CCDC73: variants seen among roughly 807,000 people sequenced by gnomAD.
CCDC73 encodes coiled-coil domain containing 73.
CCDC73 carries 95 observed loss-of-function variants against 116.5 expected under a neutral mutation model. The ratio of observed to expected loss-of-function variants is 0.82; its 90% CI spans 0.69 to 0.97. The LOEUF (loss-of-function observed/expected upper bound fraction) is 0.97. Among genes scored for constraint, CCDC73 ranks in the 50% least tolerant of loss-of-function variants. The pLI is 0.00. For synonymous variants in CCDC73, 398 were observed against 401.3 expected, an observed-to-expected ratio of 0.99 and a Z score of 0.10; for missense variants, 1,066 against 1,206.8, an observed-to-expected ratio of 0.88 and a Z score of 1.73.
At chr11:32,640,829 A>G (rs1332095591) in intron 13 of CCDC73, among the ~76,000 whole-genome samples, 3 of 152,108 alleles carry the variant, frequency 2.0e-5, no homozygotes, top group Non-Finnish European at 4.4e-5. Context: ...CATCCTGGCT[A>G]ACACAGTGAA....
At chr11:32,820,510 A>T in the CCDC73 span, among the ~76,000 whole-genome samples, 1 of 152,220 alleles carries the variant, frequency 6.6e-6, no homozygotes, top group African/African-American at 2.4e-5. Flanking sequence ...ATAGCTGAAG[A>T]GGCATTAAAT....
the CCDC73 span, among the ~76,000 whole-genome samples, chr11:32,819,461 T>G: frequency 8.8e-6 from 1 of 113,988 alleles, no homozygotes; most frequent in African/African-American, 3.5e-5. Context: ...ATTAAAGCAA[T>G]AAGAGGTTTT....
chr11:32,814,091 G>A, the CCDC73 span, among the ~76,000 whole-genome samples: 1 of 152,074 alleles, frequency 6.6e-6, no homozygotes, highest in Non-Finnish European at 1.5e-5. Flanking sequence ...AAGTTTCTAT[G>A]CCTGCCTCCT....
chr11:32,651,721 G>A (rs1339906129), intron 12 of CCDC73, among the ~76,000 whole-genome samples: 1 of 152,234 alleles, frequency 6.6e-6, no homozygotes, highest in Non-Finnish European at 1.5e-5. Context: ...GCCATTCTGA[G>A]TGTGGGTCCC....
chr11:32,786,716 A>G (rs1052394497), intron 1 of CCDC73, among the ~76,000 whole-genome samples: 1 of 151,844 alleles, frequency 6.6e-6, no homozygotes, highest in Non-Finnish European at 1.5e-5. Context: ...CTTTGGAAGT[A>G]TTTATTAAAA....
At chr11:32,672,330 A>G in intron 9 of CCDC73, among the ~76,000 whole-genome samples, 1 of 152,210 alleles carries the variant, frequency 6.6e-6, no homozygotes, top group Non-Finnish European at 1.5e-5. Flanking sequence ...CAACAGAGCA[A>G]GACTCTGTCG....
chr11:32,830,188 G>C, the CCDC73 span: 1 of 1,054,668 alleles, frequency 9.5e-7, no homozygotes. Context: ...GAGGCCTGGC[G>C]GCAGGACCTC....
intron 3 of CCDC73, among the ~76,000 whole-genome samples, chr11:32,706,852 G>A (rs1849860180): frequency 6.6e-6 from 1 of 152,110 alleles, no homozygotes; most frequent in Admixed American, 6.5e-5. Flanking sequence ...GATCTATTAT[G>A]TAAACAGAAT....
At chr11:32,631,472 A>G (rs1855629253) in intron 14 of CCDC73, among the ~76,000 whole-genome samples, 4 of 152,216 alleles carry the variant, frequency 2.6e-5, no homozygotes, top group Admixed American at 2.6e-4. Flanking sequence ...ATTAAACAAC[A>G]TATTTCCAAT....
chr11:32,648,431 TTTA>T (rs1364964504), intron 12 of CCDC73, among the ~76,000 whole-genome samples: 1 of 152,168 alleles, frequency 6.6e-6, no homozygotes, highest in East Asian at 1.9e-4. Context: ...AGACTATGAG[TTTA>T]TTCATGTTCA....
At chr11:32,721,369 G>T (rs1445124446) in intron 2 of CCDC73, among the ~76,000 whole-genome samples, 4 of 152,044 alleles carry the variant, frequency 2.6e-5, no homozygotes, top group Non-Finnish European at 4.4e-5. Flanking sequence ...ACTGATGTCT[G>T]CAATTTACTT....
intron 6 of CCDC73, among the ~76,000 whole-genome samples, chr11:32,683,801 C>A (rs989582198): frequency 2.6e-5 from 4 of 152,124 alleles, no homozygotes; most frequent in Admixed American, 6.6e-5. Context: ...AACTTACTTT[C>A]TAGTGGGGGT....
chr11:32,653,279 T>C (rs1262663078), intron 11 of CCDC73, 52 bp from the exon 12 acceptor site: 1 of 1,132,380 alleles, frequency 8.8e-7, no homozygotes. Flanking sequence ...TAGGTATGTT[T>C]CTAAAATCAT....
intron 2 of CCDC73, chr11:32,758,382 A>G: frequency 5.9e-6 from 3 of 508,422 alleles, no homozygotes; most frequent in South Asian, 4.2e-5. Flanking sequence ...CAAGAAGGTT[A>G]GGAAAGCACC....
the CCDC73 span, among the ~76,000 whole-genome samples, chr11:32,809,696 A>G: frequency 6.6e-6 from 1 of 152,206 alleles, no homozygotes; most frequent in African/African-American, 2.4e-5. Flanking sequence ...GGGGAGGAAT[A>G]TATACATTTC....
chr11:32,746,743 C>T lies in CCDC73; in HGVS notation c.135+13366G>A, dbSNP rs535385718. 1.2e-4 allele frequency among the ~76,000 whole-genome samples: 19 copies of T among 152,268 alleles called. No homozygotes were observed. The South Asian group carries it at 2.1e-3, about 17-fold the overall frequency. ...TGGCTACTCAAGCTTGTGTATGCTT[C>T]ACGAAGTTCTCGTACTGTAGTTTTC... On this transcript the variant is annotated intron_variant, in intron 2 of 17. Coordinates refer to ENST00000335185, the MANE Select transcript of CCDC73 (RefSeq NM_001008391.4).
At chr11:32,732,264 T>G (rs1250076516) in intron 2 of CCDC73, among the ~76,000 whole-genome samples, 1 of 152,166 alleles carries the variant, frequency 6.6e-6, no homozygotes. Flanking sequence ...AATATGGGAC[T>G]ACGTGAAAAG....
intron 9 of CCDC73, among the ~76,000 whole-genome samples, chr11:32,662,951 T>G (rs1855944576): frequency 1.3e-5 from 2 of 152,224 alleles, no homozygotes; most frequent in Non-Finnish European, 2.9e-5. Context: ...GGGAATCCTT[T>G]CCCCATTTCT....
intron 9 of CCDC73, among the ~76,000 whole-genome samples, chr11:32,665,310 T>A (rs1402778305): frequency 2.0e-5 from 3 of 152,276 alleles, no homozygotes; most frequent in East Asian, 3.9e-4. Flanking sequence ...TTTGTAGGTC[T>A]CTAAGGACTT....
Sources: allele counts gnomAD v4.1 joint callset (sites outside exome capture counted in the v4.1 genomes callset), GRCh38; gene constraint gnomAD v4.1.1; transcripts MANE v1.5; gene names NCBI Gene and HGNC (gene_info 2026-07-23, HGNC 2026-07-21).